The following EFCAB8 variants were observed in gnomAD, a reference collection of about 807,000 sequenced individuals.
EFCAB8 encodes the protein EF-hand calcium-binding domain-containing protein 8.
EFCAB8 carries 100 observed loss-of-function variants against 116.3 expected under a neutral mutation model. The observed-to-expected ratio is 0.86, with a 90% CI of 0.73 to 1.02. The LOEUF (loss-of-function observed/expected upper bound fraction) is 1.02, where lower values mean the gene tolerates loss of function less well. EFCAB8 is among the 50% of genes least tolerant of loss of function. The pLI, the probability that EFCAB8 is intolerant of heterozygous loss-of-function variation, is 0.00. For synonymous variants in EFCAB8, 558 were observed against 567.9 expected (o/e 0.98, Z 0.25); for missense variants, 1,320 against 1,416.9 (o/e 0.93, Z 1.10).
intron 15 of EFCAB8, 76 bp from the exon 16 acceptor site, chr20:32,911,404 A>C (rs564401594): frequency 1.5e-6 from 2 of 1,330,640 alleles, no homozygotes; most frequent in African/African-American, 3.0e-5. Context: ...GGGAGGGGCC[A>C]AGGCAGGCTG....
At chr20:32,937,694 CT>C (rs1267258436) in intron 22 of EFCAB8, among the ~76,000 whole-genome samples, 2 of 150,778 alleles carry the variant, frequency 1.3e-5, no homozygotes, top group African/African-American at 4.9e-5. Flanking sequence ...TCTTGACTCA[CT>C]GCAACCTCTG....
At chr20:32,868,407 G>C in intron 3 of EFCAB8, among the ~76,000 whole-genome samples, 1 of 152,114 alleles carries the variant, frequency 6.6e-6, no homozygotes, top group Admixed American at 6.6e-5. Context: ...AAACTTTCAA[G>C]CATTATGTAG....
intron 8 of EFCAB8, among the ~76,000 whole-genome samples, 173 bp downstream of exon 8, chr20:32,892,470 C>T (rs1167131611): frequency 1.3e-5 from 2 of 152,174 alleles, no homozygotes; most frequent in Non-Finnish European, 2.9e-5. Context: ...CTGCTTCTCT[C>T]TCAGGGTCAC....
At chr20:32,957,890 T>G (rs1445012576) in intron 23 of EFCAB8, among the ~76,000 whole-genome samples, 1 of 152,186 alleles carries the variant, frequency 6.6e-6, no homozygotes, top group Non-Finnish European at 1.5e-5. Flanking sequence ...CAGTGATTTT[T>G]TTTTTTCTTA....
chr20:32,908,266 A>G lies in EFCAB8; in HGVS notation c.1309-9A>G. ...ATGCTCAGCGTCTTGCCTTTTTCCC[A>G]TCCCCCAGAATATTCGCGTGTGGGA... On this transcript the variant is annotated splice_polypyrimidine_tract_variant and intron_variant, in intron 13 of 26. Transcript: ENST00000400522. 8.0e-7 allele frequency: 1 copy of G among 1,249,294 alleles called. No individual in the cohort carries two copies. 77.4% of individuals were successfully genotyped at this position (1,249,294 alleles called of 1,614,324 possible). A position where few individuals can be genotyped will look rare whatever the true frequency, so the allele number is the denominator to read the frequency against.
At chr20:32,882,691 T>TTTGTTG (rs546681766) in intron 5 of EFCAB8, among the ~76,000 whole-genome samples, 1 of 151,668 alleles carries the variant, frequency 6.6e-6, no homozygotes, top group Non-Finnish European at 1.5e-5. Flanking sequence ...TGGCCGATTT[T>TTTGTTG]TTGTTGTTGT....
At chr20:32,942,829 C>T (rs765034791) in intron 22 of EFCAB8, among the ~76,000 whole-genome samples, 3 of 151,954 alleles carry the variant, frequency 2.0e-5, no homozygotes, top group South Asian at 2.1e-4. Flanking sequence ...AAGATAACAA[C>T]GTAGGTTTCT....
At chr20:32,955,950 G>T (rs1173884596) in intron 23 of EFCAB8, among the ~76,000 whole-genome samples, 3 of 151,714 alleles carry the variant, frequency 2.0e-5, no homozygotes, top group Non-Finnish European at 4.4e-5. Context: ...CTTTTAATTG[G>T]GTATTTAGTC....
chr20:32,919,402 C>T (rs1987345963), intron 19 of EFCAB8, among the ~76,000 whole-genome samples: 1 of 152,194 alleles, frequency 6.6e-6, no homozygotes, highest in Non-Finnish European at 1.5e-5. Flanking sequence ...GACCATAAGA[C>T]ATTCATACCA....
Position 32,959,823 on chromosome 20 carries a change from G to A in EFCAB8, c.3135G>A (p.Glu1045=), listed in dbSNP as rs1169987625. The change falls in exon 25 of 27, where the codon GAG becomes GAA. Residue 1045 remains glutamate, a synonymous_variant. Coordinates refer to ENST00000400522, the MANE Select transcript of EFCAB8 (RefSeq NM_001143967.2). ...LAEALIYQRR[E]QAALMALLHG... is the part of the protein sequence containing the mutation. ...AGGCCCTGATATACCAGCGGCGAGA[G>A]CAGGCGGCGCTGATGGCTCTCCTGC... 11 of 1,535,920 alleles carry A rather than the reference G, an allele frequency of 7.2e-6. No homozygotes were observed. Among genetic ancestry groups the A allele is most frequent in the Admixed American group, 4.0e-5 (2 of 49,672 alleles).
intron 23 of EFCAB8, among the ~76,000 whole-genome samples, chr20:32,957,914 C>A (rs1029153462): frequency 2.0e-5 from 3 of 151,568 alleles, no homozygotes; most frequent in African/African-American, 7.3e-5. Flanking sequence ...GATTTTTTAC[C>A]TGTTTTATTT....
chr20:32,915,076 A>AT (rs970936753), intron 17 of EFCAB8, among the ~76,000 whole-genome samples: 37 of 151,756 alleles, frequency 2.4e-4, no homozygotes, highest in African/African-American at 7.0e-4. Context: ...TAAAAAAAAA[A>AT]TTTTTTTATA....
At chr20:32,928,356 C>T (rs1035498321) in intron 20 of EFCAB8, among the ~76,000 whole-genome samples, 3 of 152,054 alleles carry the variant, frequency 2.0e-5, no homozygotes, top group Non-Finnish European at 4.4e-5. Context: ...CTGCCTCAGC[C>T]TCATGGGTAG....
intron 23 of EFCAB8, among the ~76,000 whole-genome samples, chr20:32,950,318 C>T (rs1163338676): frequency 1.3e-5 from 2 of 152,152 alleles, no homozygotes; most frequent in Non-Finnish European, 2.9e-5. Context: ...TATAAACTCT[C>T]AGAACTCAAC....
At chr20:32,868,921 G>A (rs150173636) in intron 3 of EFCAB8, among the ~76,000 whole-genome samples, 1,968 of 152,124 alleles carry the variant, frequency 0.013, 25 homozygotes, top group South Asian at 0.042. Flanking sequence ...GGAAGCAGAG[G>A]TTGCAGTGAG....
chr20:32,948,200 T>C (rs1172298322), intron 23 of EFCAB8, among the ~76,000 whole-genome samples: 5 of 152,112 alleles, frequency 3.3e-5, no homozygotes, highest in African/African-American at 1.2e-4. Context: ...TGAAATACTA[T>C]AAACAACTTT....
chr20:32,859,559 G>C (rs999081264), intron 1 of EFCAB8, among the ~76,000 whole-genome samples: 1 of 152,128 alleles, frequency 6.6e-6, no homozygotes, highest in African/African-American at 2.4e-5. Context: ...CCTGGTGAAA[G>C]ACATTTATCT....
Position 32,898,478 on chromosome 20 carries a change from C to T in EFCAB8, c.958-15C>T, listed in dbSNP as rs1442569170. On this transcript the variant is annotated splice_polypyrimidine_tract_variant and intron_variant, in intron 10 of 26. Coordinates refer to ENST00000400522, the MANE Select transcript of EFCAB8 (RefSeq NM_001143967.2). ...CCTTGGGTGGAGTCTCCCACCATTG[C>T]TACTGTCTTCCCAGGCTCTCCATCC... is the stretch of plus-strand genomic sequence containing the variant. 1 of 715,282 alleles carries T rather than the reference C, an allele frequency of 1.4e-6. No individual in the cohort carries two copies. The highest frequency in any genetic ancestry group is 2.6e-6 in the Non-Finnish European group (1 of 382,326). The allele number at this position is 715,282 out of a possible 1,614,324, so 44.3% of individuals were successfully genotyped here.
chr20:32,874,964 G>T (rs1984875847), intron 3 of EFCAB8, among the ~76,000 whole-genome samples: 1 of 152,022 alleles, frequency 6.6e-6, no homozygotes, highest in African/African-American at 2.4e-5. Flanking sequence ...GGTCAGGCTG[G>T]TCTCGAACTC....
Sources: gnomAD v4.1 joint callset for allele counts (sites outside exome capture counted in the v4.1 genomes callset) on GRCh38, gnomAD v4.1.1 for gene constraint, MANE v1.5 for transcripts, NCBI Gene and HGNC (gene_info 2026-07-23, HGNC 2026-07-21) for gene names.